ABI3BP: variants seen among roughly 807,000 people sequenced by gnomAD.
ABI3BP encodes ABI family member 3 binding protein.
A neutral mutation model predicts 268.6 loss-of-function variants in ABI3BP; 216 were observed. The observed-to-expected ratio is 0.80, with a 90% CI of 0.72 to 0.90. The LOEUF is 0.90. ABI3BP is among the 40% of genes least tolerant of loss of function. The probability of loss-of-function intolerance (pLI) is 0.00; values close to 1 mark genes in which losing one functional copy is unlikely to be tolerated. For synonymous variants in ABI3BP, 730 were observed against 730.0 expected, an observed-to-expected ratio of 1.00 and a Z score of 0.00; for missense variants, 2,090 against 2,182.4, an observed-to-expected ratio of 0.96 and a Z score of 0.84.
At chr3:100,894,978 A>C (rs2046959978) in intron 4 of ABI3BP, among the ~76,000 whole-genome samples, 1 of 149,896 alleles carries the variant, frequency 6.7e-6, no homozygotes, top group Non-Finnish European at 1.5e-5. Context: ...CAGAAAAAAA[A>C]AACACAAGAT....
At chr3:100,782,211 G>A (rs757173765) in intron 57 of ABI3BP, among the ~76,000 whole-genome samples, 2 of 152,236 alleles carry the variant, frequency 1.3e-5, no homozygotes, top group South Asian at 2.1e-4. Flanking sequence ...GCTGCCAGCA[G>A]TCACTGACCA....
rs368942524 is a variant in ABI3BP, at chr3:100,902,698, A to G, written c.260-12T>C. On this transcript the variant is annotated splice_polypyrimidine_tract_variant and intron_variant, in intron 2 of 67. Transcript: ENST00000471714. ...TTTCGGCTCTGCATCTGGAAGCAAT[A>G]ACATTATTTATCAGAAAAACCCTTT... is the stretch of plus-strand genomic sequence containing the variant. 9.3e-6 allele frequency: 15 copies of G among 1,612,498 alleles called. No homozygotes were observed. The Admixed American group carries it at 1.3e-4, about 14-fold the overall frequency.
At chr3:100,977,735 G>T (rs1232810721) in intron 1 of ABI3BP, among the ~76,000 whole-genome samples, 1 of 152,160 alleles carries the variant, frequency 6.6e-6, no homozygotes, top group African/African-American at 2.4e-5. Flanking sequence ...GATTCAGTGT[G>T]CAAGGGGACT....
Position 100,832,287 on chromosome 3 carries a change from G to C in ABI3BP, c.2378C>G (p.Pro793Arg), listed in dbSNP as rs1209649736. 6.5e-7 allele frequency: 1 copy of C among 1,535,532 alleles called. No individual in the cohort carries two copies. The highest frequency in any genetic ancestry group is 8.7e-7 in the Non-Finnish European group (1 of 1,146,524). ...ACCCAGTTTAGTTTGAGGTACTTCTGGATGGGGCGTGGTTTTAGGTTTGGG... is the reference window on the plus strand; with the variant it reads ...ACCCAGTTTAGTTTGAGGTACTTCTCGATGGGGCGTGGTTTTAGGTTTGGG... ...PHPKPKTTPH[P>R]EVPQTKLVPA... The change falls in exon 31 of 68, where the codon CCA becomes CGA. Residue 793 changes from proline (P) to arginine (R), a missense_variant. By Grantham distance (103) the Pro-to-Arg change is moderately radical (BLOSUM62 -2). Coordinates refer to ENST00000471714, the MANE Select transcript of ABI3BP (RefSeq NM_001375547.2).
At chr3:100,811,422 A>G in intron 47 of ABI3BP, 145 bp from the exon 48 acceptor site, 1 of 657,974 alleles carries the variant, frequency 1.5e-6, no homozygotes, top group South Asian at 2.3e-5. Flanking sequence ...GAATTGGGAG[A>G]AAAATCCTAT....
intron 63 of ABI3BP, among the ~76,000 whole-genome samples, chr3:100,758,551 G>A (rs1401114731): frequency 6.6e-6 from 1 of 152,102 alleles, no homozygotes; most frequent in East Asian, 1.9e-4. Flanking sequence ...TATAAGAAGG[G>A]TATAGCCCAC....
At chr3:100,843,354 G>T (rs1313220887) in intron 20 of ABI3BP, among the ~76,000 whole-genome samples, 1 of 152,046 alleles carries the variant, frequency 6.6e-6, no homozygotes, top group Non-Finnish European at 1.5e-5. Context: ...GGCAAAAGCA[G>T]TAGTGATGTG....
At chr3:100,940,934 C>G (rs1460542973) in intron 1 of ABI3BP, among the ~76,000 whole-genome samples, 1 of 144,784 alleles carries the variant, frequency 6.9e-6, no homozygotes, top group Non-Finnish European at 1.5e-5. Flanking sequence ...GATGGCATCC[C>G]TATTTGTGTT....
intron 63 of ABI3BP, among the ~76,000 whole-genome samples, chr3:100,763,429 C>A (rs1256083638): frequency 1.3e-5 from 2 of 151,102 alleles, no homozygotes; most frequent in African/African-American, 4.9e-5. Flanking sequence ...CACCATTGTG[C>A]TCCAGCCTGG....
intron 57 of ABI3BP, among the ~76,000 whole-genome samples, chr3:100,783,405 T>G (rs1031703215): frequency 3.3e-5 from 5 of 152,202 alleles, no homozygotes; most frequent in African/African-American, 1.2e-4. Flanking sequence ...AAATCATATG[T>G]GCCAAGGTGG....
intron 62 of ABI3BP, among the ~76,000 whole-genome samples, chr3:100,770,029 G>C (rs2096491045): frequency 6.6e-6 from 1 of 152,150 alleles, no homozygotes; most frequent in South Asian, 2.1e-4. Flanking sequence ...CCTCTTAGTT[G>C]ACCCCTCTAT....
intron 63 of ABI3BP, among the ~76,000 whole-genome samples, chr3:100,761,855 G>C (rs1381916529): frequency 6.6e-6 from 1 of 152,110 alleles, no homozygotes; most frequent in Non-Finnish European, 1.5e-5. Flanking sequence ...TTTTAGTCAG[G>C]ACAAGTGATG....
intron 32 of ABI3BP, among the ~76,000 whole-genome samples, chr3:100,830,110 CATATATATAT>C (rs559297681): frequency 0.023 from 1,018 of 44,380 alleles, 25 homozygotes; most frequent in African/African-American, 0.063. Context: ...TACATACATA[CATATATATAT>C]ATATATATAT....
At chr3:100,861,031 T>G (rs1199481003) in intron 14 of ABI3BP, among the ~76,000 whole-genome samples, 1 of 152,142 alleles carries the variant, frequency 6.6e-6, no homozygotes, top group Non-Finnish European at 1.5e-5. Flanking sequence ...AGAACCCAGA[T>G]TTTAGACCCA....
chr3:100,808,320 T>C (rs921923523), intron 49 of ABI3BP, 85 bp from the exon 50 acceptor site: 6 of 1,010,808 alleles, frequency 5.9e-6, no homozygotes, highest in African/African-American at 1.6e-5. Context: ...GGATGTTTAC[T>C]GAGTGATTGA....
chr3:100,753,401 T>C (rs1331213562), intron 65 of ABI3BP, among the ~76,000 whole-genome samples: 2 of 151,930 alleles, frequency 1.3e-5, no homozygotes, highest in East Asian at 1.9e-4. Flanking sequence ...ACATCCCACC[T>C]CAGCCTCCCA....
At chr3:100,940,733 G>C (rs979537030) in intron 1 of ABI3BP, among the ~76,000 whole-genome samples, 3 of 126,880 alleles carry the variant, frequency 2.4e-5, no homozygotes, top group African/African-American at 5.9e-5. Flanking sequence ...TAGGAACTCA[G>C]CTACAAACAC....
chr3:100,816,600 G>T, intron 43 of ABI3BP, 88 bp downstream of exon 43: 1 of 1,044,386 alleles, frequency 9.6e-7, no homozygotes, highest in Non-Finnish European at 1.4e-6. Context: ...GTTACTTCCC[G>T]TCATAGGCAT....
In ABI3BP at chr3:100,775,222, A is replaced by T; in HGVS notation, c.4447T>A (p.Ser1483Thr). 1.2e-6 allele frequency: 2 copies of T among 1,612,748 alleles called. No individual in the cohort carries two copies. Among genetic ancestry groups the T allele is most frequent in the Non-Finnish European group, 1.7e-6 (2 of 1,179,396 alleles). ...TDIKQPTVPA[S>T]GEELENITDF... ...CCATACGAACCCAGTTCTTCTCCAGAGGCAGGAACTGTTGGTTGCTTTATA... is the reference window on the plus strand; with the variant it reads ...CCATACGAACCCAGTTCTTCTCCAGTGGCAGGAACTGTTGGTTGCTTTATA... Residue 1483 changes from serine (S) to threonine (T), a missense_variant, in exon 60 of 68, where the codon TCT becomes ACT. Ser to Thr is a moderately conservative substitution (Grantham distance 58). Transcript: ENST00000471714.
Sources: allele counts gnomAD v4.1 joint callset (sites outside exome capture counted in the v4.1 genomes callset), GRCh38; gene constraint gnomAD v4.1.1; transcripts MANE v1.5; gene names NCBI Gene and HGNC (gene_info 2026-07-23, HGNC 2026-07-21).